The following ACAD9 variants were observed in gnomAD, a reference collection of about 807,000 sequenced individuals.
ACAD9 encodes the protein complex I assembly factor ACAD9, mitochondrial.
Under a neutral mutation model 70.2 loss-of-function variants are expected in ACAD9, and 53 were observed. The ratio of observed to expected loss-of-function variants is 0.75; its 90% CI spans 0.61 to 0.95. The LOEUF (loss-of-function observed/expected upper bound fraction) is 0.95, where lower values mean the gene tolerates loss of function less well. Ranked by LOEUF, ACAD9 falls within the 40% of genes least tolerant of loss-of-function variation. The probability of loss-of-function intolerance (pLI) is 0.00; values close to 1 mark genes in which losing one functional copy is unlikely to be tolerated. For missense variants in ACAD9, 777 were observed against 802.8 expected (o/e 0.97, Z 0.39); for synonymous variants, 313 against 312.1 (o/e 1.00, Z -0.03).
chr3:128,896,301 G>A (rs747597606), intron 4 of ACAD9, 135 bp from the exon 5 acceptor site: 1 of 968,890 alleles, frequency 1.0e-6, no homozygotes, highest in Non-Finnish European at 1.6e-6. Flanking sequence ...CTCTGCCTGT[G>A]GCCGCTTGCT....
rs116205688 is a variant in ACAD9 at position 128,881,330 on chromosome 3, C to T, written c.150+1489C>T. ...TCTGGCACTACCTGCCCTGCCCTGC[C>T]TTTACTCTCAGCTGTCAGCTTTGCT... On this transcript the variant is annotated intron_variant, in intron 1 of 17. Coordinates refer to ENST00000308982, the MANE Select transcript of ACAD9 (RefSeq NM_014049.5). 3.8e-3 allele frequency among the ~76,000 whole-genome samples: 586 copies of T among 152,338 alleles called. 1 individual carries two copies. Among genetic ancestry groups the T allele is most frequent in the African/African-American group, 0.013 (554 of 41,564 alleles).
chr3:128,908,474 T>A (rs1028229258), intron 13 of ACAD9: 15 of 630,388 alleles, frequency 2.4e-5, no homozygotes, highest in Non-Finnish European at 4.0e-5. Flanking sequence ...CACAGCACCC[T>A]ACAGCTTCAG....
intron 6 of ACAD9, 42 bp from the exon 7 acceptor site, chr3:128,899,245 T>C (rs756125891): frequency 6.8e-6 from 11 of 1,607,262 alleles, no homozygotes; most frequent in Middle Eastern, 1.6e-4. Flanking sequence ...GTGGGTCACA[T>C]AGGGGTTTGG....
chr3:128,909,669 T>C (rs1310504257), intron 15 of ACAD9: 1 of 605,216 alleles, frequency 1.7e-6, no homozygotes, highest in African/African-American at 1.9e-5. Flanking sequence ...GTAGAGAGGC[T>C]CCCTAGAATC....
intron 12 of ACAD9, 117 bp from the exon 13 acceptor site, chr3:128,908,068 C>A: frequency 1.1e-6 from 1 of 939,436 alleles, no homozygotes; most frequent in South Asian, 1.3e-5. Flanking sequence ...ACTTCAGGAG[C>A]AGTGGCTTTT....
chr3:128,896,529 C>T lies in ACAD9; in HGVS notation c.547C>T (p.Pro183Ser). ...CATTGCAGCCTTCTGCCTCACGGAG[C>T]CAGCCAGGTCTGTCTCTGCACAAAA... ...EHIAAFCLTE[P>S]ASGSDAASIR... Residue 183 changes from proline (P) to serine (S), a missense_variant, in exon 5 of 18, where the codon CCA becomes TCA. By Grantham distance (74) the Pro-to-Ser change is moderately conservative. Transcript: ENST00000308982. 1 of 1,614,098 alleles carries T rather than the reference C, an allele frequency of 6.2e-7. No homozygotes were observed. The highest frequency in any genetic ancestry group is 8.5e-7 in the Non-Finnish European group (1 of 1,180,006).
chr3:128,880,560 T>C (rs1935060787), intron 1 of ACAD9, among the ~76,000 whole-genome samples: 2 of 151,980 alleles, frequency 1.3e-5, no homozygotes, highest in Admixed American at 1.3e-4. Context: ...TTTTTTTTTT[T>C]TGTATTTTTA....
At chr3:128,892,452 T>G (rs1283777685) in intron 2 of ACAD9, among the ~76,000 whole-genome samples, 2 of 152,234 alleles carry the variant, frequency 1.3e-5, no homozygotes, top group Non-Finnish European at 2.9e-5. Context: ...AAGTACACTT[T>G]AATTAATTTG....
chr3:128,880,904 G>C (rs1935069501), intron 1 of ACAD9, among the ~76,000 whole-genome samples: 1 of 152,172 alleles, frequency 6.6e-6, no homozygotes, highest in Non-Finnish European at 1.5e-5. Flanking sequence ...TACAAAATAG[G>C]AATAAACACA....
intron 3 of ACAD9, among the ~76,000 whole-genome samples, chr3:128,894,591 G>A (rs920167172): frequency 1.3e-5 from 2 of 149,926 alleles, no homozygotes; most frequent in African/African-American, 2.5e-5. Context: ...CTGGAGTGCA[G>A]TGGTGTGGTC....
chr3:128,911,559 T>G (rs866366067), intron 17 of ACAD9, among the ~76,000 whole-genome samples: 4 of 152,152 alleles, frequency 2.6e-5, no homozygotes, highest in Non-Finnish European at 2.9e-5. Flanking sequence ...TGCCTCAGCC[T>G]CCTGAGTAGT....
chr3:128,880,006 C>G, intron 1 of ACAD9, 165 bp downstream of exon 1: 1 of 1,548,274 alleles, frequency 6.5e-7, no homozygotes, highest in South Asian at 1.2e-5. Context: ...GGAAAACCTT[C>G]CCAGAGAAAG....
At chr3:128,896,358 G>A in intron 4 of ACAD9, 78 bp from the exon 5 acceptor site, 5 of 1,436,576 alleles carry the variant, frequency 3.5e-6, no homozygotes, top group Non-Finnish European at 4.9e-6. Flanking sequence ...ATTTGCCTCA[G>A]AAAGGAAATG....
rs863224845 is a variant in ACAD9, at chr3:128,912,587, C to T, written c.1846C>T (p.Pro616Ser). Residue 616 changes from proline to serine, a missense_variant, in exon 18 of 18, where the codon CCT becomes TCT. Physicochemically the swap from Pro to Ser is moderately conservative, Grantham distance 74. Transcript: ENST00000308982. ...LEKRAYICAH[P>S]LDRTC ...GAAGCGAGCCTATATCTGTGCCCAC[C>T]CTCTGGACAGGACATGCTGAGGCAG... 1.2e-6 allele frequency: 2 copies of T among 1,614,122 alleles called. No homozygotes were observed. Among genetic ancestry groups the T allele is most frequent in the Admixed American group, 1.7e-5 (1 of 60,020 alleles).
At chr3:128,882,218 G>T (rs544129527) in intron 1 of ACAD9, among the ~76,000 whole-genome samples, 8 of 152,250 alleles carry the variant, frequency 5.3e-5, no homozygotes, top group African/African-American at 1.7e-4. Flanking sequence ...CTCAAAAGCT[G>T]TACTAAGAGG....
Position 128,879,728 on chromosome 3 carries a change from G to T in ACAD9, c.37G>T (p.Ala13Ser). The stretch of plus-strand genomic sequence containing the variant: ...CGGGCTCTTCCTGCGCACCACGGCT[G>T]CGGCTCGTGCCTGCCGGGGTCTGGT... ...GCGLFLRTTAAARACRGLVVS... is the reference protein window; with the variant it reads ...GCGLFLRTTASARACRGLVVS... Residue 13 changes from alanine to serine, a missense_variant, in exon 1 of 18, where the codon GCG (alanine) becomes TCG (serine). By Grantham distance (99) the Ala-to-Ser change is moderately conservative. Coordinates refer to ENST00000308982, the MANE Select transcript of ACAD9 (RefSeq NM_014049.5). 1 of 1,612,668 alleles carries T rather than the reference G, an allele frequency of 6.2e-7. No individual in the cohort carries two copies. The highest frequency in any genetic ancestry group is 8.5e-7 in the Non-Finnish European group (1 of 1,179,946).
intron 1 of ACAD9, chr3:128,880,129 C>T: frequency 1.0e-6 from 1 of 998,984 alleles, no homozygotes; most frequent in South Asian, 1.6e-5. Context: ...ACAAAGCAGC[C>T]TTCATCTCAG....
chr3:128,901,005 A>AC (rs1362522252), intron 7 of ACAD9, among the ~76,000 whole-genome samples: 5 of 151,504 alleles, frequency 3.3e-5, no homozygotes, highest in African/African-American at 1.2e-4. Context: ...ATTATTATCC[A>AC]CCCCCTTGCC....
chr3:128,903,100 T>G (rs1205121059), intron 9 of ACAD9, among the ~76,000 whole-genome samples: 1 of 152,152 alleles, frequency 6.6e-6, no homozygotes, highest in Non-Finnish European at 1.5e-5. Flanking sequence ...GGATCTTACC[T>G]TTGTTCTATT....
Sources: allele counts gnomAD v4.1 joint callset (sites outside exome capture counted in the v4.1 genomes callset), GRCh38; gene constraint gnomAD v4.1.1; transcripts MANE v1.5; gene names NCBI Gene and HGNC (gene_info 2026-07-23, HGNC 2026-07-21).